Variants in FBXW7 observed in about 807,000 individuals in gnomAD.
FBXW7 encodes the protein F-box/WD repeat-containing protein 7.
In FBXW7, 11 loss-of-function variants were observed where a neutral mutation model predicts 86.3. The observed-to-expected ratio is 0.13, with a 90% confidence interval of 0.08 to 0.21. The LOEUF (loss-of-function observed/expected upper bound fraction) is 0.21. FBXW7 is among the 10% of genes least tolerant of loss of function. The probability of loss-of-function intolerance (pLI) is 1.00; values close to 1 mark genes in which losing one functional copy is unlikely to be tolerated. For missense variants in FBXW7, 488 were observed against 847.4 expected, an observed-to-expected ratio of 0.58 and a Z score of 5.27; for synonymous variants, 313 against 297.9, an observed-to-expected ratio of 1.05 and a Z score of -0.52.
intron 7 of FBXW7, 77 bp downstream of exon 7, chr4:152,337,725 A>C: frequency 7.0e-7 from 1 of 1,418,508 alleles, no homozygotes; most frequent in South Asian, 1.4e-5. Context: ...AATTAGCATG[A>C]CAATGTTTAA....
chr4:152,405,852 C>T (rs558184582), intron 4 of FBXW7, among the ~76,000 whole-genome samples: 1 of 152,246 alleles, frequency 6.6e-6, no homozygotes, highest in East Asian at 1.9e-4. Flanking sequence ...GAAAAGATAA[C>T]CTGGGGAGGC....
chr4:152,363,439 T>G (rs576945524), intron 4 of FBXW7, among the ~76,000 whole-genome samples: 16 of 152,096 alleles, frequency 1.1e-4, no homozygotes, highest in Non-Finnish European at 2.1e-4. Flanking sequence ...ACAAATCCAT[T>G]TGACTAATAA....
chr4:152,530,856 A>G (rs1247998186), intron 2 of FBXW7: 3 of 152,250 alleles, frequency 2.0e-5, no homozygotes, highest in Non-Finnish European at 4.4e-5. Flanking sequence ...TCACACTATA[A>G]GAACAGAATT....
At chr4:152,507,569 C>A (rs1375951194) in intron 2 of FBXW7, among the ~76,000 whole-genome samples, 1 of 152,172 alleles carries the variant, frequency 6.6e-6, no homozygotes, top group African/African-American at 2.4e-5. Flanking sequence ...GTGTCCAGAT[C>A]ATCTAACACG....
intron 2 of FBXW7, among the ~76,000 whole-genome samples, chr4:152,482,722 T>C (rs1055660501): frequency 2.6e-5 from 4 of 152,326 alleles, no homozygotes; most frequent in East Asian, 1.9e-4. Flanking sequence ...TATTTACTCA[T>C]GGATTCATAC....
chr4:152,463,743 T>C (rs1743171970), intron 2 of FBXW7, among the ~76,000 whole-genome samples: 1 of 152,184 alleles, frequency 6.6e-6, no homozygotes, highest in Non-Finnish European at 1.5e-5. Context: ...AAAAATGTGG[T>C]ATTTCTGAGT....
At chr4:152,372,756 A>G (rs1025478867) in intron 4 of FBXW7, among the ~76,000 whole-genome samples, 5 of 152,054 alleles carry the variant, frequency 3.3e-5, no homozygotes, top group African/African-American at 1.2e-4. Context: ...AAATTTAAAT[A>G]GCCTTGCCCT....
chr4:152,377,432 T>C (rs540927318), intron 4 of FBXW7, among the ~76,000 whole-genome samples: 11 of 152,050 alleles, frequency 7.2e-5, no homozygotes, highest in African/African-American at 2.7e-4. Flanking sequence ...ATTTAGAAGA[T>C]AAATAATAAA....
intron 4 of FBXW7, among the ~76,000 whole-genome samples, chr4:152,362,450 T>C (rs1397827720): frequency 1.3e-5 from 2 of 152,100 alleles, no homozygotes; most frequent in Admixed American, 6.6e-5. Context: ...GACACACACA[T>C]ATTCCTTTCT....
intron 7 of FBXW7, among the ~76,000 whole-genome samples, chr4:152,335,823 CA>C (rs1261326934): frequency 2.6e-5 from 4 of 152,112 alleles, no homozygotes; most frequent in Admixed American, 6.6e-5. Flanking sequence ...TTAAGAATTT[CA>C]GGTTTTGCTC....
chr4:152,525,260 C>A (rs1749404881), intron 2 of FBXW7, among the ~76,000 whole-genome samples: 1 of 152,108 alleles, frequency 6.6e-6, no homozygotes, highest in South Asian at 2.1e-4. Context: ...AGCAAACTTT[C>A]CTTAAAAGGA....
intron 2 of FBXW7, among the ~76,000 whole-genome samples, chr4:152,443,029 G>A (rs1436791190): frequency 1.3e-5 from 2 of 152,194 alleles, no homozygotes; most frequent in Non-Finnish European, 2.9e-5. Context: ...TTGGGAGGCC[G>A]AGGCAGGCGG....
At chr4:152,461,201 C>T (rs945044164) in intron 2 of FBXW7, among the ~76,000 whole-genome samples, 3 of 152,130 alleles carry the variant, frequency 2.0e-5, no homozygotes, top group South Asian at 2.1e-4. Context: ...TGTGGTGAGC[C>T]GAGATCGCAC....
At chr4:152,464,307 G>C (rs1317252162) in intron 2 of FBXW7, among the ~76,000 whole-genome samples, 1 of 152,122 alleles carries the variant, frequency 6.6e-6, no homozygotes, top group Non-Finnish European at 1.5e-5. Flanking sequence ...ACCCAGCATG[G>C]AGCATTAAGA....
At chr4:152,450,291 T>C (rs1741793075) in intron 2 of FBXW7, among the ~76,000 whole-genome samples, 1 of 152,234 alleles carries the variant, frequency 6.6e-6, no homozygotes, top group Non-Finnish European at 1.5e-5. Flanking sequence ...AGGTACTGTC[T>C]GCTGCACAGA....
chr4:152,479,746 G>A (rs1010248773), intron 2 of FBXW7, among the ~76,000 whole-genome samples: 1 of 152,124 alleles, frequency 6.6e-6, no homozygotes, highest in Non-Finnish European at 1.5e-5. Flanking sequence ...CCCATTATAA[G>A]TGTGACCACT....
intron 4 of FBXW7, among the ~76,000 whole-genome samples, chr4:152,385,230 T>C (rs536288262): frequency 6.6e-6 from 1 of 152,192 alleles, no homozygotes; most frequent in East Asian, 1.9e-4. Flanking sequence ...AACAATGTGA[T>C]ACTCCAATGC....
chr4:152,436,850 G>A (rs1275671965), intron 2 of FBXW7, among the ~76,000 whole-genome samples: 1 of 152,170 alleles, frequency 6.6e-6, no homozygotes, highest in African/African-American at 2.4e-5. Context: ...GCCCACTGTT[G>A]AGACCTACTG....
intron 2 of FBXW7, among the ~76,000 whole-genome samples, chr4:152,455,922 A>C: frequency 6.6e-6 from 1 of 152,136 alleles, no homozygotes; most frequent in East Asian, 1.9e-4. Flanking sequence ...TAACTTAATC[A>C]CATATGCAAA....
Sources: allele counts gnomAD v4.1 joint callset (sites outside exome capture counted in the v4.1 genomes callset), GRCh38; gene constraint gnomAD v4.1.1; transcripts MANE v1.5; gene names NCBI Gene and HGNC (gene_info 2026-07-23, HGNC 2026-07-21).